Variants in RASEF observed in about 807,000 individuals in gnomAD.
The protein encoded by RASEF is RAS and EF-hand domain containing, also known as ras and EF-hand domain-containing protein.
In RASEF, 68 loss-of-function variants were observed where a neutral mutation model predicts 90.1. The ratio of observed to expected loss-of-function variants is 0.75; its 90% confidence interval spans 0.62 to 0.92. RASEF has a LOEUF of 0.92. Among genes scored for constraint, RASEF ranks in the 40% least tolerant of loss-of-function variants. RASEF has a pLI of 0.00. For missense variants in RASEF, 949 were observed against 937.2 expected (o/e 1.01, Z -0.16); for synonymous variants, 331 against 345.2 (o/e 0.96, Z 0.46).
the RASEF span, among the ~76,000 whole-genome samples, chr9:83,113,350 G>A: frequency 3.9e-3 from 598 of 152,146 alleles, 6 homozygotes; most frequent in African/African-American, 0.014. Context: ...GAGAATGTAC[G>A]TCACCTCAGG....
chr9:83,041,646 G>A (rs992543264), intron 1 of RASEF, among the ~76,000 whole-genome samples: 1 of 152,158 alleles, frequency 6.6e-6, no homozygotes, highest in Non-Finnish European at 1.5e-5. Context: ...GAAGCCTCCT[G>A]AGACAGACCC....
At chr9:83,095,050 C>T in the RASEF span, among the ~76,000 whole-genome samples, 2 of 152,072 alleles carry the variant, frequency 1.3e-5, no homozygotes, top group African/African-American at 4.8e-5. Context: ...CGGGAAAGGG[C>T]AATTAGGACC....
chr9:83,201,394 G>C, the RASEF span, among the ~76,000 whole-genome samples: 2 of 152,208 alleles, frequency 1.3e-5, no homozygotes, highest in Admixed American at 1.3e-4. Context: ...TGCCTTGGAC[G>C]TAGAGGATGC....
upstream of RASEF, among the ~76,000 whole-genome samples, chr9:83,067,262 T>C (rs1830288831): frequency 6.6e-6 from 1 of 152,138 alleles, no homozygotes; most frequent in Non-Finnish European, 1.5e-5. Flanking sequence ...TCAGGAACAC[T>C]CTGAAACATA....
chr9:83,192,198 C>A, the RASEF span, among the ~76,000 whole-genome samples: 1 of 152,118 alleles, frequency 6.6e-6, no homozygotes, highest in Non-Finnish European at 1.5e-5. Context: ...AGCAATCCCA[C>A]CACTGGGCAT....
At chr9:83,198,545 G>A in the RASEF span, among the ~76,000 whole-genome samples, 1 of 152,188 alleles carries the variant, frequency 6.6e-6, no homozygotes, top group African/African-American at 2.4e-5. Flanking sequence ...GACTAAGGCA[G>A]CACCACAGGG....
At chr9:83,104,268 T>G in the RASEF span, among the ~76,000 whole-genome samples, 218 of 152,216 alleles carry the variant, frequency 1.4e-3, no homozygotes, top group African/African-American at 5.1e-3. Flanking sequence ...TTGAGAAAAC[T>G]TTTTCTCTGA....
At chr9:83,144,447 G>GGAAAAGAA in the RASEF span, among the ~76,000 whole-genome samples, 1 of 145,986 alleles carries the variant, frequency 6.8e-6, no homozygotes, top group East Asian at 2.0e-4. Flanking sequence ...AAAGAAAAAA[G>GGAAAAGAA]AAAAGAAAAG....
chr9:83,023,635 G>A (rs1776464222), intron 2 of RASEF, among the ~76,000 whole-genome samples: 2 of 152,212 alleles, frequency 1.3e-5, no homozygotes, highest in South Asian at 2.1e-4. Flanking sequence ...TAGCCTGTCC[G>A]AGGTTATGTT....
chr9:83,025,896 G>C lies in RASEF; in HGVS notation c.457C>G (p.Gln153Glu), dbSNP rs753049634. 3 of 1,611,900 alleles carry C rather than the reference G, an allele frequency of 1.9e-6. No homozygotes were observed. In the South Asian group the frequency reaches 3.3e-5, roughly 18 times the overall value. ...CTTGGCTCCACAAGGTTGATGTTTT[G>C]GTACAAGGTACTAACTTGCTCTTCT... is the stretch of plus-strand genomic sequence containing the variant. ...PREEQVSTLY[Q>E]NINLVEPRLI... The change falls in exon 2 of 17, where the codon CAA becomes GAA. Residue 153 changes from glutamine to glutamate, a missense_variant. Coordinates refer to ENST00000376447, the MANE Select transcript of RASEF (RefSeq NM_152573.4).
At chr9:83,043,715 T>A (rs372681423) in intron 1 of RASEF, among the ~76,000 whole-genome samples, 309 of 147,600 alleles carry the variant, frequency 2.1e-3, no homozygotes, top group African/African-American at 8.1e-3. Context: ...CAGTTCAGCA[T>A]TTTTTTTTCT....
chr9:83,182,510 GATTA>G, the RASEF span, among the ~76,000 whole-genome samples: 1 of 152,164 alleles, frequency 6.6e-6, no homozygotes, highest in Non-Finnish European at 1.5e-5. Flanking sequence ...GGAAATCTGT[GATTA>G]ATTAACAAAA....
intron 6 of RASEF, among the ~76,000 whole-genome samples, chr9:83,008,891 C>CATATATATATATAT (rs56810511): frequency 1.0e-4 from 2 of 19,558 alleles, no homozygotes; most frequent in Non-Finnish European, 2.3e-4. Flanking sequence ...AAGTTCTCAT[C>CATATATATATATAT]ATATATATAT....
the RASEF span, among the ~76,000 whole-genome samples, chr9:83,082,442 T>A: frequency 6.6e-6 from 1 of 152,190 alleles, no homozygotes; most frequent in Non-Finnish European, 1.5e-5. Context: ...GTAGTACAAA[T>A]CTAACTGGTT....
upstream of RASEF, among the ~76,000 whole-genome samples, chr9:83,066,708 G>A (rs559182356): frequency 1.6e-4 from 24 of 152,208 alleles, no homozygotes; most frequent in Non-Finnish European, 2.9e-4. Context: ...TCTCAAAGCA[G>A]TGAAAAGACA....
the RASEF span, among the ~76,000 whole-genome samples, chr9:83,093,248 C>T: frequency 1.0e-3 from 158 of 152,340 alleles, 5 homozygotes; most frequent in South Asian, 0.03. Context: ...CGGTGGATCC[C>T]GCACCAGGCT....
At chr9:83,124,223 C>G in the RASEF span, among the ~76,000 whole-genome samples, 1 of 152,160 alleles carries the variant, frequency 6.6e-6, no homozygotes, top group South Asian at 2.1e-4. Flanking sequence ...TTGCTTCTAT[C>G]TTTTGGCTAT....
At chr9:83,114,941 A>T in the RASEF span, among the ~76,000 whole-genome samples, 1 of 152,134 alleles carries the variant, frequency 6.6e-6, no homozygotes, top group African/African-American at 2.4e-5. Context: ...TGTGACCCAC[A>T]TCCTATTCAT....
chr9:82,987,544 C>T (rs1325460427), intron 16 of RASEF, among the ~76,000 whole-genome samples: 2 of 152,018 alleles, frequency 1.3e-5, no homozygotes, highest in Non-Finnish European at 2.9e-5. Flanking sequence ...GTGGCTGACC[C>T]AACATGCCAC....
Sources: allele counts gnomAD v4.1 joint callset (sites outside exome capture counted in the v4.1 genomes callset), GRCh38; gene constraint gnomAD v4.1.1; transcripts MANE v1.5; gene names NCBI Gene and HGNC (gene_info 2026-07-23, HGNC 2026-07-21).